UBE2E2: variants seen among roughly 807,000 people sequenced by gnomAD.
UBE2E2 encodes ubiquitin conjugating enzyme E2 E2.
UBE2E2 carries 6 observed loss-of-function variants against 24.7 expected under a neutral mutation model. The ratio of observed to expected loss-of-function variants is 0.24; its 90% CI spans 0.13 to 0.48. The LOEUF is 0.48. Ranked by LOEUF, UBE2E2 falls within the 20% of genes least tolerant of loss-of-function variation. The pLI, the probability that UBE2E2 is intolerant of heterozygous loss-of-function variation, is 0.99. For synonymous variants in UBE2E2, 104 were observed against 83.6 expected, an observed-to-expected ratio of 1.24 and a Z score of -1.33; for missense variants, 169 against 245.0, an observed-to-expected ratio of 0.69 and a Z score of 2.07.
intron 3 of UBE2E2, among the ~76,000 whole-genome samples, chr3:23,218,878 A>G (rs1463221776): frequency 4.6e-5 from 7 of 152,212 alleles, no homozygotes; most frequent in Admixed American, 3.3e-4. Context: ...ACGTTTAACT[A>G]TAGTGTCATC....
At chr3:23,553,138 C>CTACT (rs1695689639) in intron 5 of UBE2E2, among the ~76,000 whole-genome samples, 2 of 151,844 alleles carry the variant, frequency 1.3e-5, no homozygotes, top group Non-Finnish European at 2.9e-5. Context: ...TAAAGTTAGC[C>CTACT]TACTTACCTA....
chr3:23,390,721 G>A (rs912515851), intron 3 of UBE2E2, among the ~76,000 whole-genome samples: 9 of 152,212 alleles, frequency 5.9e-5, no homozygotes, highest in Admixed American at 1.3e-4. Context: ...CTGCTTGCCT[G>A]TGTGCTCCCT....
chr3:23,554,491 G>A (rs1695726155), intron 5 of UBE2E2, among the ~76,000 whole-genome samples: 1 of 152,112 alleles, frequency 6.6e-6, no homozygotes. Context: ...CAGACTGGGT[G>A]ACAGAGCAAG....
At chr3:23,343,814 A>T (rs1695469938) in intron 3 of UBE2E2, among the ~76,000 whole-genome samples, 1 of 152,194 alleles carries the variant, frequency 6.6e-6, no homozygotes, top group Non-Finnish European at 1.5e-5. Context: ...GGAATTATAC[A>T]GTACTACTTT....
At chr3:23,213,466 A>T (rs1696384116) in intron 2 of UBE2E2, among the ~76,000 whole-genome samples, 1 of 152,038 alleles carries the variant, frequency 6.6e-6, no homozygotes. Context: ...TAGTCTTATC[A>T]TTCATTCCTG....
At chr3:23,258,900 G>GAAAAA (rs11333992) in intron 3 of UBE2E2, among the ~76,000 whole-genome samples, 10 of 78,906 alleles carry the variant, frequency 1.3e-4, no homozygotes, top group South Asian at 5.7e-4. Flanking sequence ...CTCAAAAAAA[G>GAAAAA]AAAAAAAAAA....
At chr3:23,488,746 A>G (rs2125447815) in intron 3 of UBE2E2, among the ~76,000 whole-genome samples, 1 of 152,272 alleles carries the variant, frequency 6.6e-6, no homozygotes, top group Non-Finnish European at 1.5e-5. Flanking sequence ...TAAGATCGGT[A>G]GATACATTAA....
chr3:23,284,962 A>AT (rs1202705778), intron 3 of UBE2E2, among the ~76,000 whole-genome samples: 6,067 of 141,510 alleles, frequency 0.043, 335 homozygotes, highest in African/African-American at 0.13. Flanking sequence ...TGGAAAAAAA[A>AT]ATATATATAT....
chr3:23,319,481 G>T (rs1306077356), intron 3 of UBE2E2, among the ~76,000 whole-genome samples: 2 of 152,080 alleles, frequency 1.3e-5, no homozygotes, highest in Admixed American at 6.6e-5. Context: ...ATACTATTCT[G>T]ATTTCTTTTA....
chr3:23,308,461 A>G (rs570094379), intron 3 of UBE2E2, among the ~76,000 whole-genome samples: 1 of 152,354 alleles, frequency 6.6e-6, no homozygotes, highest in East Asian at 1.9e-4. Context: ...AAAGGAGGAT[A>G]TTATTTTTAC....
chr3:23,286,558 TAGTATAATTTGA>T (rs1248498053), intron 3 of UBE2E2, among the ~76,000 whole-genome samples: 2 of 152,174 alleles, frequency 1.3e-5, no homozygotes, highest in Non-Finnish European at 2.9e-5. Context: ...CAGAGCTCTG[TAGTATAATTTGA>T]AGTCAGGTAA....
intron 3 of UBE2E2, among the ~76,000 whole-genome samples, chr3:23,265,809 G>A (rs1365976861): frequency 6.6e-6 from 1 of 152,172 alleles, no homozygotes; most frequent in Non-Finnish European, 1.5e-5. Flanking sequence ...CTAAGGACTT[G>A]CTTTATGAAT....
At chr3:23,258,599 A>T (rs1026784207) in intron 3 of UBE2E2, among the ~76,000 whole-genome samples, 2 of 152,204 alleles carry the variant, frequency 1.3e-5, no homozygotes, top group Non-Finnish European at 2.9e-5. Flanking sequence ...ATGAGCTTAT[A>T]AAAATGAATC....
At position 23,280,119 on chromosome 3, in the gene UBE2E2, C is replaced by CT. The variant is rs1288153408; in HGVS notation, c.227+62813dup. 6.6e-6 allele frequency among the ~76,000 whole-genome samples: 1 copy of CT among 152,116 alleles called. No individual in the cohort carries two copies. The highest frequency in any genetic ancestry group is 6.5e-5 in the Admixed American group (1 of 15,276). On this transcript the variant is annotated intron_variant, in intron 3 of 5. Coordinates refer to ENST00000396703, the MANE Select transcript of UBE2E2 (RefSeq NM_152653.4). This position sits in a 1 kb window ranked among gnomAD's most constrained non-coding sequence, Gnocchi z 4.3. ...AGGTTCAAATTACTGATATCACATT[C>CT]TTTTTTGAGGAAGCTTTTATAGAGA... is the stretch of plus-strand genomic sequence containing the variant.
At chr3:23,466,249 A>G (rs1698915988) in intron 3 of UBE2E2, among the ~76,000 whole-genome samples, 1 of 152,222 alleles carries the variant, frequency 6.6e-6, no homozygotes, top group Admixed American at 6.5e-5. Flanking sequence ...GTTAAAAGAA[A>G]TGTCAAATGA....
chr3:23,364,195 A>C (rs984240644), intron 3 of UBE2E2, among the ~76,000 whole-genome samples: 3 of 152,072 alleles, frequency 2.0e-5, no homozygotes, highest in Non-Finnish European at 4.4e-5. Flanking sequence ...TCTCAAGTTA[A>C]CCTAACATCA....
intron 5 of UBE2E2, among the ~76,000 whole-genome samples, chr3:23,559,438 A>G (rs961310433): frequency 3.9e-4 from 59 of 152,146 alleles, no homozygotes; most frequent in African/African-American, 1.4e-3. Context: ...GAAAGACTAT[A>G]CTAGAGATTT....
intron 3 of UBE2E2, among the ~76,000 whole-genome samples, chr3:23,476,559 G>T (rs895262227): frequency 5.3e-5 from 8 of 152,094 alleles, no homozygotes; most frequent in Non-Finnish European, 1.2e-4. Context: ...ATGGGGTCTG[G>T]TGGCATGTGC....
At chr3:23,401,095 G>C (rs1023105949) in intron 3 of UBE2E2, among the ~76,000 whole-genome samples, 20 of 152,206 alleles carry the variant, frequency 1.3e-4, no homozygotes, top group African/African-American at 4.6e-4. Flanking sequence ...CTATGGGCTT[G>C]AGTGTCTTAG....
Sources: allele counts gnomAD v4.1 joint callset (sites outside exome capture counted in the v4.1 genomes callset), GRCh38; gene constraint gnomAD v4.1.1; non-coding constraint Gnocchi (gnomAD v3.1); transcripts MANE v1.5; gene names NCBI Gene and HGNC (gene_info 2026-07-23, HGNC 2026-07-21).